UNC5A: variants seen among roughly 807,000 people sequenced by gnomAD.
UNC5A encodes the protein netrin receptor UNC5A.
A neutral mutation model predicts 87.4 loss-of-function variants in UNC5A; 20 were observed. The observed-to-expected ratio is 0.23, with a 90% confidence interval of 0.16 to 0.33. The LOEUF (loss-of-function observed/expected upper bound fraction) is 0.33. Ranked by LOEUF, UNC5A falls within the 10% of genes least tolerant of loss-of-function variation. UNC5A has a pLI of 1.00. For synonymous variants in UNC5A, 438 were observed against 482.3 expected (o/e 0.91, Z 1.20); for missense variants, 844 against 1,133.4 (o/e 0.74, Z 3.67).
intron 1 of UNC5A, among the ~76,000 whole-genome samples, chr5:176,856,060 A>T (rs779451297): frequency 1.5e-3 from 231 of 152,276 alleles, no homozygotes; most frequent in Non-Finnish European, 4.4e-4. Context: ...CTCCCAGCTG[A>T]GTGAGGCCGA....
At chr5:176,839,451 T>C (rs1431883631) in intron 1 of UNC5A, among the ~76,000 whole-genome samples, 1 of 152,230 alleles carries the variant, frequency 6.6e-6, no homozygotes, top group African/African-American at 2.4e-5. Context: ...TGCTGTCACG[T>C]TGGCTTCGTG....
chr5:176,817,904 G>T (rs1396448), intron 1 of UNC5A, among the ~76,000 whole-genome samples: 112,389 of 151,794 alleles, frequency 0.74, 47,849 homozygotes, highest in Non-Finnish European at 0.93. Context: ...AAACTCCGGC[G>T]GCCAAGCCGG....
intron 1 of UNC5A, among the ~76,000 whole-genome samples, chr5:176,834,665 TTCTCTCTCTCTCTC>T (rs369472376): frequency 1.4e-4 from 14 of 101,366 alleles, no homozygotes; most frequent in Admixed American, 3.1e-4. Flanking sequence ...ACGTCCCGTC[TTCTCTCTCTCTCTC>T]TCTCTCTCTC....
At chr5:176,873,792 T>C (rs150987362) in intron 6 of UNC5A, among the ~76,000 whole-genome samples, 176 bp from the exon 7 acceptor site, 5 of 152,238 alleles carry the variant, frequency 3.3e-5, no homozygotes, top group Middle Eastern at 3.4e-3. Context: ...TAATGGCAAA[T>C]ACAGGGCTGG....
At chr5:176,812,033 C>G (rs2113572921) in intron 1 of UNC5A, among the ~76,000 whole-genome samples, 1 of 152,230 alleles carries the variant, frequency 6.6e-6, no homozygotes, top group Admixed American at 6.5e-5. Flanking sequence ...GACCGCCCGC[C>G]CCATCCTGCC....
rs1758181046 is a variant in UNC5A, at chr5:176,873,489, G to A, written c.887-479G>A. On this transcript the variant is annotated intron_variant, in intron 6 of 14. Coordinates refer to ENST00000329542, the MANE Select transcript of UNC5A (RefSeq NM_133369.3). ...CACCCCCTCCCCAGACCTGCCCCAG[G>A]CCTTGGGGAGGCAGACAGAGAGAAG... Among the ~76,000 whole-genome samples the A allele has an allele frequency of 2.0e-5, 3 of 152,056 alleles. No individual in the cohort carries two copies. In the South Asian group the frequency reaches 6.2e-4, roughly 32 times the overall value.
At chr5:176,845,933 C>T (rs1353248338) in intron 1 of UNC5A, among the ~76,000 whole-genome samples, 1 of 152,124 alleles carries the variant, frequency 6.6e-6, no homozygotes, top group African/African-American at 2.4e-5. Context: ...CCGGGAGAGC[C>T]AACAAAGGGC....
chr5:176,868,117 C>T lies in UNC5A; in HGVS notation c.293-13C>T, dbSNP rs1486670578. On this transcript the variant is annotated splice_polypyrimidine_tract_variant and intron_variant, in intron 2 of 14. Coordinates refer to ENST00000329542, the MANE Select transcript of UNC5A (RefSeq NM_133369.3). ...GCCCTGGGGCTCTGACTACCTGCCC[C>T]TCCCGCCCCCAGGGCTGCCCACCAT... The T allele has an allele frequency of 6.2e-7, 1 of 1,610,142 alleles. No individual in the cohort carries two copies. Among genetic ancestry groups the T allele is most frequent in the Non-Finnish European group, 8.5e-7 (1 of 1,178,340 alleles).
intron 1 of UNC5A, among the ~76,000 whole-genome samples, chr5:176,847,321 C>A (rs1037178295): frequency 6.6e-6 from 1 of 152,184 alleles, no homozygotes; most frequent in African/African-American, 2.4e-5. Flanking sequence ...CCGGGCTTGG[C>A]GTTGTGCACA....
intron 1 of UNC5A, among the ~76,000 whole-genome samples, chr5:176,847,454 A>T (rs377241833): frequency 6.6e-6 from 1 of 152,152 alleles, no homozygotes; most frequent in Non-Finnish European, 1.5e-5. Flanking sequence ...TCCTCAATTC[A>T]TTAAGACCTG....
rs367736981 is a variant in UNC5A, at chr5:176,877,802, C to T, written c.1636-92C>T. On this transcript the variant is annotated intron_variant, in intron 10 of 14. Coordinates refer to ENST00000329542, the MANE Select transcript of UNC5A (RefSeq NM_133369.3). ...TGGGTGGTCCTGAGCCGCACCCCCA[C>T]CCCTCCCCAGTCTCCGGCCACTTCT... 2.8e-4 allele frequency: 430 copies of T among 1,512,646 alleles called. 5 individuals carry two copies. In the South Asian group the frequency reaches 4.9e-3, roughly 17 times the overall value. The allele number at this position is 1,512,646 out of a possible 1,614,324, so 93.7% of individuals were successfully genotyped here.
chr5:176,831,882 TCTC>T (rs1306029690), intron 1 of UNC5A, among the ~76,000 whole-genome samples: 19 of 25,350 alleles, frequency 7.5e-4, no homozygotes, highest in African/African-American at 1.0e-3. Context: ...ACTTTCTCTC[TCTC>T]TTTTTTTTTT....
Position 176,832,000 on chromosome 5 carries a change from G to C in UNC5A, c.70+21180G>C, listed in dbSNP as rs549775568. On this transcript the variant is annotated intron_variant, in intron 1 of 14. Transcript: ENST00000329542. ...CAACCTCCACCTACCTGGCTCAAGT[G>C]ATTCTCATGCCTCATCCTCCCGAGT... 2.7e-5 allele frequency among the ~76,000 whole-genome samples: 4 copies of C among 148,318 alleles called. No homozygotes were observed. In the East Asian group the frequency reaches 6.0e-4, roughly 22 times the overall value.
At chr5:176,818,877 C>T (rs926864595) in intron 1 of UNC5A, among the ~76,000 whole-genome samples, 4 of 152,204 alleles carry the variant, frequency 2.6e-5, no homozygotes, top group African/African-American at 9.7e-5. Flanking sequence ...TCCAGGCCAC[C>T]AGACGTTGAT....
rs535248659 is a variant in UNC5A, at chr5:176,856,255, A to G, written c.71-6369A>G. 7.9e-5 allele frequency among the ~76,000 whole-genome samples: 12 copies of G among 152,308 alleles called. No individual in the cohort carries two copies. The East Asian group carries it at 2.3e-3, about 29-fold the overall frequency. On this transcript the variant is annotated intron_variant, in intron 1 of 14. Transcript: ENST00000329542. ...GTTCCGGGCGAGTCTTATCTCCCAG[A>G]CTGCAGGTGAGGAAAGGGGCTGAGC...
chr5:176,854,129 A>G (rs1482984611), intron 1 of UNC5A, among the ~76,000 whole-genome samples: 1 of 151,784 alleles, frequency 6.6e-6, no homozygotes, highest in East Asian at 1.9e-4. Flanking sequence ...CCCCGTTGTT[A>G]CCTCCAGGCA....
At chr5:176,853,304 A>G (rs1757588983) in intron 1 of UNC5A, among the ~76,000 whole-genome samples, 1 of 152,212 alleles carries the variant, frequency 6.6e-6, no homozygotes, top group African/African-American at 2.4e-5. Flanking sequence ...GGAGCCTGTG[A>G]GCAGTGGCCG....
At chr5:176,853,510 G>C (rs1757595696) in intron 1 of UNC5A, among the ~76,000 whole-genome samples, 1 of 152,240 alleles carries the variant, frequency 6.6e-6, no homozygotes, top group African/African-American at 2.4e-5. Context: ...GGAGCCCACT[G>C]GGGAAGAGGG....
intron 1 of UNC5A, among the ~76,000 whole-genome samples, chr5:176,814,095 G>T (rs541551509): frequency 3.0e-4 from 45 of 152,132 alleles, no homozygotes; most frequent in African/African-American, 8.4e-4. Flanking sequence ...CATGTCTCTC[G>T]ACTTCTTTGT....
Sources: gnomAD v4.1 joint callset for allele counts (sites outside exome capture counted in the v4.1 genomes callset) on GRCh38, gnomAD v4.1.1 for gene constraint, MANE v1.5 for transcripts, NCBI Gene and HGNC (gene_info 2026-07-23, HGNC 2026-07-21) for gene names.